The following ZPBP variants were observed in gnomAD, a reference collection of about 807,000 sequenced individuals.
ZPBP encodes zona pellucida binding protein.
In ZPBP, 26 loss-of-function variants were observed where a neutral mutation model predicts 44.8. The ratio of observed to expected loss-of-function variants is 0.58; its 90% CI spans 0.43 to 0.81. ZPBP has a LOEUF of 0.81. Among genes scored for constraint, ZPBP ranks in the 30% least tolerant of loss-of-function variants. ZPBP has a pLI of 0.00. For synonymous variants in ZPBP, 174 were observed against 153.2 expected, an observed-to-expected ratio of 1.14 and a Z score of -1.00; for missense variants, 409 against 434.0, an observed-to-expected ratio of 0.94 and a Z score of 0.51.
chr7:49,872,197 T>A (rs1253944280), intron 2 of ZPBP, among the ~76,000 whole-genome samples: 1 of 152,074 alleles, frequency 6.6e-6, no homozygotes, highest in Non-Finnish European at 1.5e-5. Flanking sequence ...ATTGGTCACA[T>A]TTAAGGAGAG....
At chr7:49,927,764 G>A (rs534515581) in intron 1 of ZPBP, among the ~76,000 whole-genome samples, 27 of 152,250 alleles carry the variant, frequency 1.8e-4, no homozygotes, top group Admixed American at 6.5e-4. Context: ...AACGTGGTAC[G>A]ACCAATGAAT....
intron 3 of ZPBP, among the ~76,000 whole-genome samples, chr7:50,066,002 A>G (rs1465025470): frequency 6.6e-6 from 1 of 151,156 alleles, no homozygotes; most frequent in Non-Finnish European, 1.5e-5. Flanking sequence ...TTAGTAGAGC[A>G]GTCTTTCCTG....
chr7:49,850,011 C>T (rs754056020), downstream of ZPBP, among the ~76,000 whole-genome samples: 3 of 152,168 alleles, frequency 2.0e-5, no homozygotes, highest in Non-Finnish European at 2.9e-5. Context: ...AGTGCCACTG[C>T]ACAGTGCACA....
intron 4 of ZPBP, among the ~76,000 whole-genome samples, chr7:50,039,458 T>C (rs992980020): frequency 6.6e-6 from 1 of 152,186 alleles, no homozygotes; most frequent in Non-Finnish European, 1.5e-5. Context: ...AAGGTAGTTA[T>C]GTAATCAAAA....
intron 4 of ZPBP, among the ~76,000 whole-genome samples, chr7:50,041,208 G>A (rs1179987405): frequency 6.6e-6 from 1 of 152,192 alleles, no homozygotes; most frequent in Non-Finnish European, 1.5e-5. Flanking sequence ...AGCACCTGGG[G>A]GAAGGGGCAG....
At chr7:50,064,907 T>C (rs28852506) in intron 3 of ZPBP, among the ~76,000 whole-genome samples, 109 of 152,324 alleles carry the variant, frequency 7.2e-4, no homozygotes, top group Non-Finnish European at 9.4e-4. Flanking sequence ...AGGGTATTGA[T>C]TGGGAAAGTG....
At chr7:50,091,675 A>T (rs1802999512) in intron 1 of ZPBP, among the ~76,000 whole-genome samples, 1 of 152,242 alleles carries the variant, frequency 6.6e-6, no homozygotes, top group South Asian at 2.1e-4. Flanking sequence ...AAGAATCAGT[A>T]TCAAACACTA....
chr7:49,968,300 T>C (rs557313733), intron 7 of ZPBP, among the ~76,000 whole-genome samples: 273 of 152,146 alleles, frequency 1.8e-3, no homozygotes, highest in Middle Eastern at 3.4e-3. Flanking sequence ...ATTAGGTTCA[T>C]GGATTCTAAG....
chr7:50,082,332 A>G (rs959502057), intron 2 of ZPBP, among the ~76,000 whole-genome samples: 15 of 151,928 alleles, frequency 9.9e-5, no homozygotes, highest in Non-Finnish European at 1.2e-4. Context: ...ACAATGATGT[A>G]GCATGATGTA....
At chr7:50,084,686 A>T (rs957683610) in intron 2 of ZPBP, among the ~76,000 whole-genome samples, 7 of 151,958 alleles carry the variant, frequency 4.6e-5, no homozygotes, top group Non-Finnish European at 1.0e-4. Context: ...CTACCTAGTC[A>T]ATTGGAATGG....
chr7:50,036,341 A>T (rs1388027386), intron 4 of ZPBP, among the ~76,000 whole-genome samples: 1 of 152,084 alleles, frequency 6.6e-6, no homozygotes, highest in Non-Finnish European at 1.5e-5. Flanking sequence ...TAGTAGAGAC[A>T]GGGTTTCATC....
downstream of ZPBP, among the ~76,000 whole-genome samples, chr7:49,845,434 C>T (rs903951604): frequency 3.3e-5 from 5 of 152,126 alleles, no homozygotes; most frequent in African/African-American, 1.2e-4. Flanking sequence ...TTATTACTAT[C>T]AATATATTAG....
intron 2 of ZPBP, among the ~76,000 whole-genome samples, chr7:49,883,232 T>A (rs1791750287): frequency 6.6e-6 from 1 of 152,074 alleles, no homozygotes; most frequent in South Asian, 2.1e-4. Context: ...AAGCGGAACC[T>A]AACCCAGGGA....
intron 2 of ZPBP, among the ~76,000 whole-genome samples, chr7:49,881,204 G>A (rs907002919): frequency 2.0e-5 from 3 of 152,100 alleles, no homozygotes; most frequent in African/African-American, 7.2e-5. Context: ...AGCTTGAGCC[G>A]AGAGGAGGAG....
intron 7 of ZPBP, among the ~76,000 whole-genome samples, chr7:49,952,822 C>T (rs1015656119): frequency 6.6e-6 from 1 of 151,908 alleles, no homozygotes; most frequent in African/African-American, 2.4e-5. Flanking sequence ...TAGAATCAAT[C>T]TGCACGTGTA....
chr7:49,892,885 C>T (rs1792204153), intron 2 of ZPBP, among the ~76,000 whole-genome samples: 1 of 152,154 alleles, frequency 6.6e-6, no homozygotes, highest in Admixed American at 6.5e-5. Context: ...CCACTCTGCC[C>T]CTTTCGCTGA....
intron 7 of ZPBP, among the ~76,000 whole-genome samples, chr7:49,980,298 A>T (rs1272977024): frequency 6.6e-5 from 2 of 30,432 alleles, no homozygotes; most frequent in African/African-American, 1.7e-4. Context: ...TAAATATATA[A>T]TATATATAAT....
intron 4 of ZPBP, among the ~76,000 whole-genome samples, chr7:50,046,251 AC>A (rs2128821131): frequency 6.6e-6 from 1 of 152,298 alleles, no homozygotes; most frequent in South Asian, 2.1e-4. Context: ...AGACTTCGTG[AC>A]TAAAACACCA....
chr7:50,025,112 T>C (rs1233220538), intron 5 of ZPBP, among the ~76,000 whole-genome samples: 2 of 151,696 alleles, frequency 1.3e-5, no homozygotes, highest in African/African-American at 4.8e-5. Flanking sequence ...TGAGGAAAAC[T>C]GTAAAACTCT....
Sources: allele counts gnomAD v4.1 joint callset (sites outside exome capture counted in the v4.1 genomes callset), GRCh38; gene constraint gnomAD v4.1.1; transcripts MANE v1.5; gene names NCBI Gene and HGNC (gene_info 2026-07-23, HGNC 2026-07-21).